The following CALCRL variants were observed in gnomAD, a reference collection of about 807,000 sequenced individuals.
CALCRL encodes calcitonin receptor like receptor, also known as calcitonin gene-related peptide type 1 receptor.
Under a neutral mutation model 60.4 loss-of-function variants are expected in CALCRL, and 27 were observed. The ratio of observed to expected loss-of-function variants is 0.45; its 90% CI spans 0.33 to 0.62. CALCRL has a LOEUF of 0.62. Among genes scored for constraint, CALCRL ranks in the 20% least tolerant of loss-of-function variants. CALCRL has a pLI of 0.03. For missense variants in CALCRL, 424 were observed against 540.7 expected (o/e 0.78, Z 2.14); for synonymous variants, 190 against 182.6 (o/e 1.04, Z -0.33).
chr2:187,393,536 C>T (rs1039454079), intron 1 of CALCRL, among the ~76,000 whole-genome samples: 9 of 152,006 alleles, frequency 5.9e-5, no homozygotes, highest in African/African-American at 2.2e-4. Flanking sequence ...ATAATTATTT[C>T]TTTATGTGTC....
intron 14 of CALCRL, among the ~76,000 whole-genome samples, chr2:187,347,805 T>C (rs1025451419): frequency 6.6e-6 from 1 of 151,762 alleles, no homozygotes; most frequent in South Asian, 2.1e-4. Context: ...TCTCATTTCA[T>C]GTAGGAAAAA....
In CALCRL at chr2:187,363,514, G is replaced by A; in HGVS notation, c.501-12C>T. On this transcript the variant is annotated splice_polypyrimidine_tract_variant and intron_variant, in intron 8 of 14. Transcript: ENST00000392370. ...GGCAACTTAGGCTCCTAAAAAGCAA[G>A]AAAAACAAGTGTGTTGACATCATGA... 6.3e-7 allele frequency: 1 copy of A among 1,582,426 alleles called. No homozygotes were observed. The highest frequency in any genetic ancestry group is 8.6e-7 in the Non-Finnish European group (1 of 1,166,388).
intron 14 of CALCRL, among the ~76,000 whole-genome samples, chr2:187,348,540 A>C (rs1686386902): frequency 1.3e-5 from 2 of 151,634 alleles, no homozygotes; most frequent in Non-Finnish European, 3.0e-5. Context: ...GCTTAAATTC[A>C]ATTTGGAAGG....
At chr2:187,358,571 T>A (rs555902957) in intron 12 of CALCRL, among the ~76,000 whole-genome samples, 120 of 150,568 alleles carry the variant, frequency 8.0e-4, no homozygotes, top group Non-Finnish European at 1.4e-3. Context: ...CACAGGAGGA[T>A]GATGTCTGTG....
At chr2:187,429,882 A>G (rs1445770178) in intron 1 of CALCRL, among the ~76,000 whole-genome samples, 1 of 132,122 alleles carries the variant, frequency 7.6e-6, no homozygotes, top group Non-Finnish European at 1.7e-5. Flanking sequence ...TTATAAGTTG[A>G]AAAACACACT....
chr2:187,376,034 T>G (rs1235072822), intron 8 of CALCRL, among the ~76,000 whole-genome samples: 1 of 152,112 alleles, frequency 6.6e-6, no homozygotes, highest in Non-Finnish European at 1.5e-5. Context: ...ATATGGAGAT[T>G]ATATATTTTG....
chr2:187,447,469 A>G (rs1234765539), intron 1 of CALCRL, among the ~76,000 whole-genome samples: 35 of 152,098 alleles, frequency 2.3e-4, no homozygotes, highest in Non-Finnish European at 1.5e-5. Context: ...GCAACAATGA[A>G]CACAAAAATT....
intron 1 of CALCRL, among the ~76,000 whole-genome samples, chr2:187,389,153 A>G (rs980893267): frequency 3.3e-5 from 5 of 151,276 alleles, no homozygotes; most frequent in African/African-American, 1.2e-4. Context: ...GCTCACTGCA[A>G]TCTCCGTCTT....
At chr2:187,428,550 A>G (rs1690251243) in intron 1 of CALCRL, 1 of 152,242 alleles carries the variant, frequency 6.6e-6, no homozygotes, top group Non-Finnish European at 1.5e-5. Context: ...AATTTTAAAG[A>G]GATGATAAGA....
At chr2:187,396,879 A>G (rs182862350) in intron 1 of CALCRL, among the ~76,000 whole-genome samples, 112 of 151,848 alleles carry the variant, frequency 7.4e-4, no homozygotes, top group Middle Eastern at 6.9e-3. Flanking sequence ...GTAGTATCCA[A>G]CTGATATTTA....
In CALCRL at chr2:187,397,722, A is replaced by G. The variant is rs557782536; in HGVS notation, c.-292-9966T>C. On this transcript the variant is annotated intron_variant, in intron 1 of 14. Coordinates refer to ENST00000392370, the MANE Select transcript of CALCRL (RefSeq NM_005795.6). ...CCCTCCCACCCTTCTAAACCACCAA[A>G]GTTTATTATTCCACACTCTATGTCT... 5.3e-5 allele frequency among the ~76,000 whole-genome samples: 8 copies of G among 151,562 alleles called. No individual in the cohort carries two copies. In the South Asian group the frequency reaches 1.7e-3, roughly 31 times the overall value.
intron 1 of CALCRL, among the ~76,000 whole-genome samples, chr2:187,432,131 C>T (rs1690433189): frequency 6.6e-6 from 1 of 152,092 alleles, no homozygotes; most frequent in Non-Finnish European, 1.5e-5. Flanking sequence ...GAGGCCAAAT[C>T]TTGTCAGTAA....
chr2:187,413,896 A>G (rs1156737653), intron 1 of CALCRL, among the ~76,000 whole-genome samples: 2 of 152,084 alleles, frequency 1.3e-5, no homozygotes, highest in African/African-American at 4.8e-5. Flanking sequence ...ATGAATGTAA[A>G]CTGAGGCTTT....
rs192497686 is a variant in CALCRL at position 187,433,428 on chromosome 2, G to A, written c.-293+14611C>T. ...TTGCATATATTAATAAAATTACAAT[G>A]TATGTGTGAACATGTATTTACTACC... On this transcript the variant is annotated intron_variant, in intron 1 of 14. Transcript: ENST00000392370. 1.9e-3 allele frequency among the ~76,000 whole-genome samples: 287 copies of A among 152,134 alleles called. 2 individuals are homozygous for A. Among genetic ancestry groups the A allele is most frequent in the Non-Finnish European group, 1.9e-3 (132 of 67,940 alleles).
chr2:187,428,316 T>G (rs759394410), intron 1 of CALCRL: 3 of 152,212 alleles, frequency 2.0e-5, no homozygotes, highest in Non-Finnish European at 4.4e-5. Flanking sequence ...TAAGTTAACA[T>G]AAATGACAAG....
chr2:187,373,615 T>C (rs930231896), intron 8 of CALCRL, among the ~76,000 whole-genome samples: 1 of 152,194 alleles, frequency 6.6e-6, no homozygotes. Context: ...AACCTCGTAA[T>C]GGACTAATAA....
At chr2:187,412,201 T>G (rs958758026) in intron 1 of CALCRL, among the ~76,000 whole-genome samples, 1 of 152,128 alleles carries the variant, frequency 6.6e-6, no homozygotes, top group Admixed American at 6.5e-5. Context: ...TCTAAATCTT[T>G]CCTGATTTTC....
At chr2:187,394,519 T>C (rs1688581226) in intron 1 of CALCRL, among the ~76,000 whole-genome samples, 1 of 152,052 alleles carries the variant, frequency 6.6e-6, no homozygotes, top group Non-Finnish European at 1.5e-5. Flanking sequence ...TTTTTTTCCA[T>C]CAAACCAAAG....
intron 12 of CALCRL, 132 bp from the exon 13 acceptor site, chr2:187,352,464 G>GC: frequency 1.8e-6 from 1 of 568,330 alleles, no homozygotes; most frequent in Non-Finnish European, 3.2e-6. Context: ...GGGTATTATT[G>GC]CCTAAGGCAT....
Sources: gnomAD v4.1 joint callset for allele counts (sites outside exome capture counted in the v4.1 genomes callset) on GRCh38, gnomAD v4.1.1 for gene constraint, MANE v1.5 for transcripts, NCBI Gene and HGNC (gene_info 2026-07-23, HGNC 2026-07-21) for gene names.